The following RCOR1 variants were observed in gnomAD, a reference collection of about 807,000 sequenced individuals.
The protein encoded by RCOR1 is REST corepressor.
In RCOR1, 12 loss-of-function variants were observed where a neutral mutation model predicts 64.0. That is an observed-to-expected ratio of 0.19 (90% CI 0.12 to 0.30). The LOEUF is 0.30. Ranked by LOEUF, RCOR1 falls within the 10% of genes least tolerant of loss-of-function variation. The pLI is 1.00. For missense variants in RCOR1, 502 were observed against 621.2 expected, an observed-to-expected ratio of 0.81 and a Z score of 2.04; for synonymous variants, 279 against 227.2, an observed-to-expected ratio of 1.23 and a Z score of -2.05.
At chr14:102,630,660 G>GTT (rs2139909322) in intron 2 of RCOR1, among the ~76,000 whole-genome samples, 1 of 152,296 alleles carries the variant, frequency 6.6e-6, no homozygotes, top group South Asian at 2.1e-4. Flanking sequence ...TCATCCAGAA[G>GTT]ATAAGAAGGG....
At chr14:102,653,384 A>G (rs1365838237) in intron 2 of RCOR1, among the ~76,000 whole-genome samples, 2 of 151,968 alleles carry the variant, frequency 1.3e-5, no homozygotes, top group Non-Finnish European at 2.9e-5. Flanking sequence ...GTGCCCAGCT[A>G]ATTTTTTCTA....
At chr14:102,668,821 A>G (rs184171052) in intron 2 of RCOR1, among the ~76,000 whole-genome samples, 13 of 152,312 alleles carry the variant, frequency 8.5e-5, no homozygotes, top group African/African-American at 2.4e-4. Context: ...TGAAATCGCT[A>G]ATCTTTGAGG....
intron 4 of RCOR1, among the ~76,000 whole-genome samples, chr14:102,706,875 T>C (rs1476680986): frequency 6.6e-6 from 1 of 151,624 alleles, no homozygotes; most frequent in African/African-American, 2.4e-5. Flanking sequence ...TTTAGAAGAA[T>C]TATTTATAGT....
intron 2 of RCOR1, among the ~76,000 whole-genome samples, chr14:102,598,232 AG>A (rs1893306475): frequency 1.3e-5 from 2 of 152,166 alleles, no homozygotes; most frequent in South Asian, 4.1e-4. Flanking sequence ...TTGGGATTAC[AG>A]GTGTGAGCCA....
chr14:102,671,064 G>A (rs1391233122), intron 2 of RCOR1, among the ~76,000 whole-genome samples: 4 of 152,102 alleles, frequency 2.6e-5, no homozygotes, highest in South Asian at 4.1e-4. Context: ...GTGAGCCACC[G>A]CACCCAGCCC....
chr14:102,597,233 T>C (rs960344342), intron 2 of RCOR1, among the ~76,000 whole-genome samples: 1 of 152,054 alleles, frequency 6.6e-6, no homozygotes, highest in African/African-American at 2.4e-5. Flanking sequence ...AACAGAGAGG[T>C]GGACGTGAAA....
rs1567426365 is a variant in RCOR1, at chr14:102,660,823, T to C, written c.362-21072T>C. ...TGATAAAGAGATTGCATGGTAATTT[T>C]CATCCTTTCATCTAAAAACATAATA... On this transcript the variant is annotated intron_variant, in intron 2 of 11. Coordinates refer to ENST00000262241, the MANE Select transcript of RCOR1 (RefSeq NM_015156.4). Among the ~76,000 whole-genome samples, 15 of 152,354 alleles carry C rather than the reference T, an allele frequency of 9.8e-5. No individual in the cohort carries two copies. In the South Asian group the frequency reaches 3.1e-3, roughly 32 times the overall value.
intron 2 of RCOR1, among the ~76,000 whole-genome samples, chr14:102,637,102 G>GT (rs1339851083): frequency 1.5e-4 from 23 of 150,858 alleles, no homozygotes; most frequent in African/African-American, 5.1e-4. Flanking sequence ...CTGTGTACAA[G>GT]TTTTTTTTGT....
At chr14:102,676,530 A>C (rs1595224897) in intron 2 of RCOR1, among the ~76,000 whole-genome samples, 1 of 29,430 alleles carries the variant, frequency 3.4e-5, no homozygotes, top group African/African-American at 1.8e-4. Context: ...TCCCTCCCGG[A>C]CGGGGCGGCT....
At chr14:102,629,373 T>G (rs1445770218) in intron 2 of RCOR1, among the ~76,000 whole-genome samples, 1 of 152,090 alleles carries the variant, frequency 6.6e-6, no homozygotes, top group Admixed American at 6.6e-5. Flanking sequence ...TATTGTATGA[T>G]TCCTTCAACT....
At chr14:102,713,143 G>A (rs1215321197) in intron 7 of RCOR1, among the ~76,000 whole-genome samples, 5 of 150,394 alleles carry the variant, frequency 3.3e-5, no homozygotes, top group African/African-American at 4.9e-5. Context: ...TACTAGAGAC[G>A]GAGTTTCACC....
intron 2 of RCOR1, among the ~76,000 whole-genome samples, chr14:102,667,499 T>A (rs961943659): frequency 1.3e-5 from 2 of 151,898 alleles, no homozygotes; most frequent in Non-Finnish European, 2.9e-5. Context: ...AGACTCTGTC[T>A]CAATAATAAT....
At chr14:102,658,703 A>G (rs1363062293) in intron 2 of RCOR1, 42 of 851,218 alleles carry the variant, frequency 4.9e-5, no homozygotes, top group Non-Finnish European at 5.9e-5. Flanking sequence ...ACTAAGTTCC[A>G]CATTTTATTT....
intron 2 of RCOR1, among the ~76,000 whole-genome samples, chr14:102,607,743 G>T (rs1893542854): frequency 6.6e-6 from 1 of 152,174 alleles, no homozygotes; most frequent in African/African-American, 2.4e-5. Flanking sequence ...TTAGCCGGGT[G>T]TGGTGGCACC....
chr14:102,597,909 A>G (rs1419394208), intron 2 of RCOR1, among the ~76,000 whole-genome samples: 1 of 142,232 alleles, frequency 7.0e-6, no homozygotes, highest in Non-Finnish European at 1.5e-5. Context: ...CTCAACCTCC[A>G]CCTCTCAGGT....
chr14:102,659,277 A>G (rs1894784965), intron 2 of RCOR1: 1 of 984,834 alleles, frequency 1.0e-6, no homozygotes, highest in Non-Finnish European at 1.2e-6. Flanking sequence ...GGCCTTCACT[A>G]TCAAAACAAA....
chr14:102,659,800 G>A (rs1222611838), intron 2 of RCOR1, among the ~76,000 whole-genome samples: 1 of 152,136 alleles, frequency 6.6e-6, no homozygotes, highest in Non-Finnish European at 1.5e-5. Context: ...CAGAAAGTTT[G>A]GTAAGGACGT....
intron 6 of RCOR1, among the ~76,000 whole-genome samples, chr14:102,709,577 A>G (rs1011709391): frequency 2.0e-5 from 3 of 152,144 alleles, no homozygotes; most frequent in African/African-American, 7.2e-5. Context: ...GAGAATTCAA[A>G]CCTCTTGGCC....
chr14:102,716,510 G>A (rs970157696), intron 8 of RCOR1, among the ~76,000 whole-genome samples: 1 of 152,156 alleles, frequency 6.6e-6, no homozygotes, highest in Non-Finnish European at 1.5e-5. Flanking sequence ...TTTTGATCTA[G>A]AAATGTTTTT....
Sources: gnomAD v4.1 joint callset for allele counts (sites outside exome capture counted in the v4.1 genomes callset) on GRCh38, gnomAD v4.1.1 for gene constraint, MANE v1.5 for transcripts, NCBI Gene and HGNC (gene_info 2026-07-23, HGNC 2026-07-21) for gene names.